Variants in APBB2 observed in about 807,000 individuals in gnomAD.
The protein encoded by APBB2 is Fe65-like 1.
In APBB2, 38 loss-of-function variants were observed where a neutral mutation model predicts 82.5. The observed-to-expected ratio is 0.46, with a 90% CI of 0.36 to 0.60. APBB2 has a LOEUF of 0.60. APBB2 is among the 20% of genes least tolerant of loss of function. The probability of loss-of-function intolerance (pLI) is 0.00; values close to 1 mark genes in which losing one functional copy is unlikely to be tolerated. For missense variants in APBB2, 772 were observed against 972.3 expected, an observed-to-expected ratio of 0.79 and a Z score of 2.74; for synonymous variants, 341 against 368.2, an observed-to-expected ratio of 0.93 and a Z score of 0.85.
At chr4:41,046,690 AT>A (rs1723564273) in intron 4 of APBB2, among the ~76,000 whole-genome samples, 1 of 152,128 alleles carries the variant, frequency 6.6e-6, no homozygotes, top group South Asian at 2.1e-4. Context: ...AGAATGCATG[AT>A]TTTTTTTAAA....
chr4:41,125,085 G>T (rs1048582094), intron 2 of APBB2, among the ~76,000 whole-genome samples: 1 of 152,184 alleles, frequency 6.6e-6, no homozygotes, highest in Non-Finnish European at 1.5e-5. Context: ...CCTGGAATGA[G>T]AACTATTTTG....
intron 10 of APBB2, among the ~76,000 whole-genome samples, chr4:40,930,197 G>A (rs1783728649): frequency 6.6e-6 from 1 of 152,126 alleles, no homozygotes; most frequent in Non-Finnish European, 1.5e-5. Flanking sequence ...TTATGAAGAA[G>A]TTAATATTAG....
chr4:40,938,884 C>T (rs1786074518), intron 7 of APBB2, among the ~76,000 whole-genome samples: 1 of 152,184 alleles, frequency 6.6e-6, no homozygotes, highest in Non-Finnish European at 1.5e-5. Flanking sequence ...ACCAATGTTG[C>T]AGTATTCAGA....
intron 12 of APBB2, among the ~76,000 whole-genome samples, chr4:40,848,739 C>T (rs989096236): frequency 2.6e-5 from 4 of 152,018 alleles, no homozygotes; most frequent in Non-Finnish European, 2.9e-5. Flanking sequence ...TCCCTGCCTC[C>T]AGCCACACTG....
At chr4:41,068,350 A>G (rs924429965) in intron 3 of APBB2, among the ~76,000 whole-genome samples, 5 of 152,200 alleles carry the variant, frequency 3.3e-5, no homozygotes, top group African/African-American at 1.2e-4. Flanking sequence ...GAAACTGGGT[A>G]AGTGGGGGCT....
intron 1 of APBB2, among the ~76,000 whole-genome samples, chr4:41,169,183 C>CAAAAA (rs60032221): frequency 3.3e-5 from 2 of 60,716 alleles, no homozygotes; most frequent in African/African-American, 5.6e-5. Context: ...CACTCCGTCT[C>CAAAAA]AAAAAAAAAA....
At chr4:40,862,559 G>C (rs1763001365) in intron 12 of APBB2, among the ~76,000 whole-genome samples, 1 of 152,214 alleles carries the variant, frequency 6.6e-6, no homozygotes, top group Admixed American at 6.5e-5. Context: ...CAGTTAAAAT[G>C]ATGGTGCCGG....
Position 40,821,991 on chromosome 4 carries a change from C to T in APBB2, c.1992G>A (p.Gly664=), listed in dbSNP as rs1326012584. The change falls in exon 17 of 18, where the codon GGG becomes GGA. Residue 664 remains glycine, a synonymous_variant. Coordinates refer to ENST00000508593, the MANE Select transcript of APBB2 (RefSeq NM_004307.2). The part of the protein sequence containing the change: ...RVRFLSFMGV[G]KDVHTFAFIM... Reference sequence around the variant, plus strand: ...TGAAGGCAAATGTGTGGACGTCCTTCCCAACACCCATGAAGGACAGGAATC... The same window carrying T: ...TGAAGGCAAATGTGTGGACGTCCTTTCCAACACCCATGAAGGACAGGAATC... 6.2e-7 allele frequency: 1 copy of T among 1,614,152 alleles called. No homozygotes were observed. The highest frequency in any genetic ancestry group is 1.7e-5 in the Admixed American group (1 of 60,016).
intron 4 of APBB2, among the ~76,000 whole-genome samples, chr4:41,053,448 C>CT (rs1170659770): frequency 2.6e-5 from 4 of 151,698 alleles, no homozygotes; most frequent in Non-Finnish European, 1.5e-5. Flanking sequence ...TCCAGGATAA[C>CT]TTTTTTCTAT....
chr4:40,870,074 C>T (rs1765061333), intron 12 of APBB2, among the ~76,000 whole-genome samples: 1 of 152,060 alleles, frequency 6.6e-6, no homozygotes, highest in Non-Finnish European at 1.5e-5. Context: ...TGGGGGAAGA[C>T]ATCATTCTCT....
intron 1 of APBB2, among the ~76,000 whole-genome samples, chr4:41,176,361 A>G (rs1769777723): frequency 1.3e-5 from 2 of 150,930 alleles, no homozygotes; most frequent in Admixed American, 6.6e-5. Flanking sequence ...CCCATAAAGA[A>G]TGTATTTTTT....
At chr4:41,175,568 C>T (rs748948257) in intron 1 of APBB2, among the ~76,000 whole-genome samples, 23 of 151,960 alleles carry the variant, frequency 1.5e-4, no homozygotes, top group Non-Finnish European at 3.2e-4. Flanking sequence ...TGTATCATTC[C>T]CTATGGTCAG....
intron 6 of APBB2, among the ~76,000 whole-genome samples, chr4:40,982,376 AAGGAAGGAAGGAAG>A (rs1799119697): frequency 6.4e-5 from 1 of 15,532 alleles, no homozygotes; most frequent in Non-Finnish European, 1.3e-4. Flanking sequence ...GGAAGGAAGG[AAGGAAGGAAGGAAG>A]GAAAGGAAAG....
chr4:40,897,465 C>T (rs1773988433), intron 10 of APBB2, among the ~76,000 whole-genome samples: 1 of 152,048 alleles, frequency 6.6e-6, no homozygotes, highest in Non-Finnish European at 1.5e-5. Context: ...CTGCAGTGAG[C>T]CGAGATCGCG....
chr4:40,907,379 ATTTT>A (rs55814804), intron 10 of APBB2, among the ~76,000 whole-genome samples: 22 of 37,380 alleles, frequency 5.9e-4, no homozygotes, highest in South Asian at 2.6e-3. Flanking sequence ...ATATATATAT[ATTTT>A]TTTTTTTTTT....
At chr4:40,989,640 A>T (rs542189717) in intron 6 of APBB2, among the ~76,000 whole-genome samples, 1 of 152,098 alleles carries the variant, frequency 6.6e-6, no homozygotes, top group African/African-American at 2.4e-5. Flanking sequence ...GTACTCCAAT[A>T]AACAATTTAT....
chr4:41,126,889 C>T (rs763420402), intron 2 of APBB2, among the ~76,000 whole-genome samples: 1 of 152,164 alleles, frequency 6.6e-6, no homozygotes, highest in Non-Finnish European at 1.5e-5. Flanking sequence ...TATCTTACCT[C>T]TTTAAGATAA....
intron 12 of APBB2, among the ~76,000 whole-genome samples, chr4:40,876,025 T>C (rs1353599569): frequency 6.6e-6 from 1 of 152,230 alleles, no homozygotes; most frequent in East Asian, 1.9e-4. Context: ...TTGAGGTTTT[T>C]TGAAACCTTT....
chr4:40,940,916 G>A (rs546014335), intron 7 of APBB2, among the ~76,000 whole-genome samples: 6 of 152,344 alleles, frequency 3.9e-5, no homozygotes, highest in South Asian at 4.1e-4. Flanking sequence ...GTTTGGGCGG[G>A]GAGGAGCACC....
Sources: allele counts gnomAD v4.1 joint callset (sites outside exome capture counted in the v4.1 genomes callset), GRCh38; gene constraint gnomAD v4.1.1; transcripts MANE v1.5; gene names NCBI Gene and HGNC (gene_info 2026-07-23, HGNC 2026-07-21).